Variants in TULP3 observed in about 807,000 individuals in gnomAD.
The protein encoded by TULP3 is TUB like protein 3, also known as tubby-related protein 3.
Under a neutral mutation model 50.7 loss-of-function variants are expected in TULP3, and 38 were observed. The ratio of observed to expected loss-of-function variants is 0.75; its 90% CI spans 0.58 to 0.98. The LOEUF (loss-of-function observed/expected upper bound fraction) is 0.98, where lower values mean the gene tolerates loss of function less well. Among genes scored for constraint, TULP3 ranks in the 50% least tolerant of loss-of-function variants. The pLI is 0.00. For missense variants in TULP3, 550 were observed against 568.0 expected, an observed-to-expected ratio of 0.97 and a Z score of 0.32; for synonymous variants, 183 against 196.6, an observed-to-expected ratio of 0.93 and a Z score of 0.58.
At chr12:2,921,357 G>A (rs1490805701) in intron 3 of TULP3, among the ~76,000 whole-genome samples, 2 of 151,624 alleles carry the variant, frequency 1.3e-5, no homozygotes, top group African/African-American at 4.8e-5. Context: ...GGCCAGGCTT[G>A]TCTCGAACTC....
intron 4 of TULP3, among the ~76,000 whole-genome samples, chr12:2,926,822 G>A (rs1447683976): frequency 1.3e-5 from 2 of 152,196 alleles, no homozygotes; most frequent in African/African-American, 2.4e-5. Flanking sequence ...CAGCAGAATC[G>A]ATTGAACGTT....
chr12:2,911,586 C>T (rs919092691), intron 2 of TULP3, among the ~76,000 whole-genome samples: 3 of 147,496 alleles, frequency 2.0e-5, no homozygotes, highest in Non-Finnish European at 4.4e-5. Flanking sequence ...AGGATGGTCT[C>T]GAACTCCTGA....
chr12:2,932,592 A>G (rs2098198747), intron 6 of TULP3, among the ~76,000 whole-genome samples: 1 of 151,914 alleles, frequency 6.6e-6, no homozygotes, highest in Admixed American at 6.6e-5. Context: ...AAAAAAAAAA[A>G]AAAAAAAGCC....
At chr12:2,909,104 A>G (rs2098183986) in intron 1 of TULP3, among the ~76,000 whole-genome samples, 1 of 152,226 alleles carries the variant, frequency 6.6e-6, no homozygotes, top group Non-Finnish European at 1.5e-5. Context: ...AGCCTTACAC[A>G]TGACTCTTCA....
chr12:2,898,411 C>T (rs773928059), intron 1 of TULP3, among the ~76,000 whole-genome samples: 6 of 152,174 alleles, frequency 3.9e-5, no homozygotes, highest in South Asian at 2.1e-4. Flanking sequence ...GCCATCTTCC[C>T]GCCTCAGCCT....
At position 2,940,683 on chromosome 12, in the gene TULP3, C is replaced by T; in HGVS notation, c.*1239C>T. On this transcript the variant is annotated 3_prime_UTR_variant, in exon 11 of 11. Coordinates refer to ENST00000448120, the MANE Select transcript of TULP3 (RefSeq NM_003324.5). ...ACCTCCCTTCTGTGGACTGACCTCT[C>T]ACCTCCGCCTGTTGTTCCTGCACCA... The T allele has an allele frequency of 6.4e-7, 1 of 1,551,700 alleles. No homozygotes were observed. Among genetic ancestry groups the T allele is most frequent in the African/African-American group, 1.4e-5 (1 of 73,194 alleles).
intron 4 of TULP3, among the ~76,000 whole-genome samples, chr12:2,928,533 A>C (rs957153708): frequency 2.0e-5 from 3 of 152,106 alleles, no homozygotes; most frequent in Non-Finnish European, 4.4e-5. Flanking sequence ...TCCATCTCAA[A>C]AAAAATAAAT....
rs557280173 is a variant in TULP3 at position 2,925,061 on chromosome 12, G to A, written c.394+2659G>A. On this transcript the variant is annotated intron_variant, in intron 4 of 10. Transcript: ENST00000448120. The stretch of plus-strand genomic sequence containing the variant: ...CGGGCGCCTGTAGTCCCAGCTACTC[G>A]GGAGGTTGAGGCACGAGAATGGCGT... Among the ~76,000 whole-genome samples the A allele has an allele frequency of 2.0e-4, 30 of 151,944 alleles. No homozygotes were observed. In the South Asian group the frequency reaches 5.0e-3, roughly 25 times the overall value.
chr12:2,931,377 G>A (rs2098197958), intron 6 of TULP3, 137 bp downstream of exon 6: 1 of 789,968 alleles, frequency 1.3e-6, no homozygotes, highest in African/African-American at 1.7e-5. Context: ...TCAGTCCCCA[G>A]ATGCTGTGTT....
At chr12:2,899,911 A>C (rs1243657295) in intron 1 of TULP3, among the ~76,000 whole-genome samples, 3 of 139,640 alleles carry the variant, frequency 2.1e-5, no homozygotes, top group Middle Eastern at 4.0e-3. Context: ...AACAAACAAA[A>C]AAAAAAACAA....
At position 2,933,507 on chromosome 12, in the gene TULP3, A is replaced by C. The variant is rs755495863; in HGVS notation, c.786A>C (p.Gly262=). 25 of 1,613,890 alleles carry C rather than the reference A, an allele frequency of 1.5e-5. No homozygotes were observed. Among genetic ancestry groups the C allele is most frequent in the Non-Finnish European group, 2.1e-5 (25 of 1,179,808 alleles). The change falls in exon 7 of 11, where the codon GGA becomes GGC. Residue 262 remains glycine, a synonymous_variant. Coordinates refer to ENST00000448120, the MANE Select transcript of TULP3 (RefSeq NM_003324.5). Reference sequence around the variant, plus strand: ...ATCCAGTTGATTTATCTCGTGAAGGAGAAAGTTATGTCGGCAAGCTTAGGT... The same window carrying C: ...ATCCAGTTGATTTATCTCGTGAAGGCGAAAGTTATGTCGGCAAGCTTAGGT... ...SIDPVDLSRE[G]ESYVGKLRSN... is the part of the protein sequence containing the mutation.
Position 2,939,827 on chromosome 12 carries a change from C to G in TULP3, c.*383C>G, listed in dbSNP as rs922767560. 12 of 1,192,796 alleles carry G rather than the reference C, an allele frequency of 1.0e-5. No individual in the cohort carries two copies. The highest frequency in any genetic ancestry group is 1.3e-5 in the Non-Finnish European group (12 of 943,766). 73.9% of individuals were successfully genotyped at this position (1,192,796 alleles called of 1,614,324 possible). ...AAAACACACACACACCCCGCGCACT[C>G]TCACTCCTTTTCCAGGTTTCATAGA... is the stretch of plus-strand genomic sequence containing the variant. On this transcript the variant is annotated 3_prime_UTR_variant, in exon 11 of 11. Coordinates refer to ENST00000448120, the MANE Select transcript of TULP3 (RefSeq NM_003324.5). This position sits in a 1 kb window ranked among gnomAD's most constrained non-coding sequence, Gnocchi z 4.0.
At chr12:2,900,418 T>A (rs1406294213) in intron 1 of TULP3, among the ~76,000 whole-genome samples, 1 of 152,164 alleles carries the variant, frequency 6.6e-6, no homozygotes, top group Non-Finnish European at 1.5e-5. Context: ...AGATTATTAG[T>A]GCAAAATTTA....
At chr12:2,929,866 GGCATGA>G (rs1376628302) in intron 4 of TULP3, among the ~76,000 whole-genome samples, 2 of 151,922 alleles carry the variant, frequency 1.3e-5, no homozygotes, top group Admixed American at 1.3e-4. Flanking sequence ...TGGGATTACA[GGCATGA>G]GCCACCGCGC....
chr12:2,917,673 C>T (rs564887152), intron 2 of TULP3, among the ~76,000 whole-genome samples: 4 of 151,900 alleles, frequency 2.6e-5, no homozygotes, highest in South Asian at 2.1e-4. Context: ...GTCAGGAGAT[C>T]GAGACCATCC....
chr12:2,914,935 A>G (rs529565988), intron 2 of TULP3, among the ~76,000 whole-genome samples: 30 of 150,512 alleles, frequency 2.0e-4, no homozygotes, highest in African/African-American at 7.1e-4. Context: ...ACCTGGCAAG[A>G]TACTCGTTTT....
chr12:2,911,091 GT>G (rs201821790), intron 2 of TULP3, among the ~76,000 whole-genome samples: 2,059 of 144,630 alleles, frequency 0.014, 40 homozygotes, highest in African/African-American at 0.048. Context: ...CATTTTCTGA[GT>G]TTTTTTTTTT....
rs760523025 is a variant in TULP3, at chr12:2,938,234, C to T, written c.1144C>T (p.Arg382Trp). 10 of 1,614,108 alleles carry T rather than the reference C, an allele frequency of 6.2e-6. No individual in the cohort carries two copies. In the East Asian group the frequency reaches 8.9e-5, roughly 14 times the overall value. The change falls in exon 10 of 11, where the codon CGG (arginine) becomes TGG (tryptophan). Residue 382 changes from arginine to tryptophan, a missense_variant. Transcript: ENST00000448120. ...GTCCTATGTCCTCAACTTCCGTGGC[C>T]GGGTCACTCAGGCGTCTGTGAAGAA... is the stretch of plus-strand genomic sequence containing the variant. ...TQSYVLNFRGRVTQASVKNFQ... is the reference protein window; with the variant it reads ...TQSYVLNFRGWVTQASVKNFQ...
chr12:2,914,894 A>G (rs567127361), intron 2 of TULP3, among the ~76,000 whole-genome samples: 3 of 152,132 alleles, frequency 2.0e-5, no homozygotes, highest in South Asian at 4.1e-4. Context: ...TGGTCTCCCA[A>G]AGTGCTGGGA....
Sources: gnomAD v4.1 joint callset for allele counts (sites outside exome capture counted in the v4.1 genomes callset) on GRCh38, gnomAD v4.1.1 for gene constraint, Gnocchi (gnomAD v3.1) non-coding constraint, MANE v1.5 for transcripts, NCBI Gene and HGNC (gene_info 2026-07-23, HGNC 2026-07-21) for gene names.